ABCA12: variants seen among roughly 807,000 people sequenced by gnomAD.
ABCA12 encodes ATP binding cassette subfamily A member 12, also known as glucosylceramide transporter ABCA12.
ABCA12 carries 156 observed loss-of-function variants against 293.5 expected under a neutral mutation model. The ratio of observed to expected loss-of-function variants is 0.53; its 90% CI spans 0.47 to 0.61. ABCA12 has a LOEUF of 0.61. ABCA12 is among the 20% of genes least tolerant of loss of function. The pLI is 0.00. For synonymous variants in ABCA12, 1,063 were observed against 1,108.0 expected (o/e 0.96, Z 0.81); for missense variants, 2,797 against 3,090.2 (o/e 0.91, Z 2.25).
At chr2:214,954,638 G>A (rs1234609177) in intron 43 of ABCA12, among the ~76,000 whole-genome samples, 1 of 152,162 alleles carries the variant, frequency 6.6e-6, no homozygotes, top group Non-Finnish European at 1.5e-5. Context: ...CCCAGAGTAT[G>A]CTTGTCTAGT....
At chr2:214,966,788 T>C in intron 39 of ABCA12, 60 bp downstream of exon 39, 1 of 1,519,530 alleles carries the variant, frequency 6.6e-7, no homozygotes, top group Non-Finnish European at 9.1e-7. Flanking sequence ...ATAAAGTGCA[T>C]TTTTATACAA....
Position 214,975,709 on chromosome 2 carries a change from T to C in ABCA12, c.5381+76A>G, listed in dbSNP as rs1699498552. The C allele has an allele frequency of 1.9e-6, 3 of 1,577,746 alleles. No individual in the cohort carries two copies. In the African/African-American group the frequency reaches 4.1e-5, roughly 21 times the overall value. The stretch of plus-strand genomic sequence containing the variant: ...TAAGTACTTTATTCTCCAGATCTCA[T>C]GGCCTTCATTCAGGTACAACCACAC... On this transcript the variant is annotated intron_variant, in intron 34 of 52. Coordinates refer to ENST00000272895, the MANE Select transcript of ABCA12 (RefSeq NM_173076.3).
chr2:214,975,770 CAGAA>C lies in ABCA12; in HGVS notation c.5381+11_5381+14del, dbSNP rs568420119. ...ATTTTGGAAACATTCTTTTAGTTAA[CAGAA>C]AGAAACTTACGCATAGAAGGCTGTC... On this transcript the variant is annotated intron_variant, in intron 34 of 52. Transcript: ENST00000272895. 5.0e-4 allele frequency: 807 copies of C among 1,613,804 alleles called. No individual in the cohort carries two copies. The highest frequency in any genetic ancestry group is 6.5e-4 in the Non-Finnish European group (771 of 1,179,892).
intron 3 of ABCA12, among the ~76,000 whole-genome samples, chr2:215,060,535 T>A: frequency 6.6e-6 from 1 of 152,074 alleles, no homozygotes; most frequent in Middle Eastern, 3.2e-3. Flanking sequence ...GTAACAAAAA[T>A]GTAATACTAA....
intron 49 of ABCA12, among the ~76,000 whole-genome samples, 164 bp downstream of exon 49, chr2:214,944,837 T>G (rs1439382544): frequency 6.6e-6 from 1 of 151,516 alleles, no homozygotes; most frequent in South Asian, 2.1e-4. Flanking sequence ...TGTCTATATA[T>G]ATACATATAT....
chr2:214,978,628 T>C (rs572817909), intron 32 of ABCA12, among the ~76,000 whole-genome samples, 162 bp from the exon 33 acceptor site: 3 of 152,360 alleles, frequency 2.0e-5, no homozygotes, highest in Non-Finnish European at 2.9e-5. Context: ...ACGTGCTGTC[T>C]AGCTGGGGCA....
chr2:215,014,180 CAA>C (rs10552931), intron 15 of ABCA12, among the ~76,000 whole-genome samples: 148,213 of 149,440 alleles, frequency 0.99, 73,499 homozygotes, highest in East Asian at 1. Context: ...GACTCTGACT[CAA>C]AAAAAAAAAA....
chr2:214,946,885 C>T (rs562713688), intron 48 of ABCA12, among the ~76,000 whole-genome samples: 189 of 152,160 alleles, frequency 1.2e-3, no homozygotes, highest in Admixed American at 3.7e-3. Flanking sequence ...CTTCCCCACC[C>T]TATACCCCCC....
rs1405700353 is a variant in ABCA12, at chr2:214,989,605, G to A, written c.3641C>T (p.Thr1214Ile). Reference protein sequence around the residue: ...LKVFMSLLSPTAFSYASQYIA... With the variant: ...LKVFMSLLSPIAFSYASQYIA... The stretch of plus-strand genomic sequence containing the variant: ...GTATTGGCTTGCATAGCTGAATGCT[G>A]TTGGGGACAGCAGGCTCTGTGAAGA... The change falls in exon 25 of 53, where the codon ACA becomes ATA. Residue 1214 changes from threonine to isoleucine, a missense_variant. Physicochemically the swap from Thr to Ile is moderately conservative, Grantham distance 89. Transcript: ENST00000272895. The A allele has an allele frequency of 6.2e-7, 1 of 1,613,890 alleles. No individual in the cohort carries two copies. The highest frequency in any genetic ancestry group is 1.3e-5 in the African/African-American group (1 of 74,924).
chr2:215,003,518 A>T (rs1700186293), intron 20 of ABCA12, among the ~76,000 whole-genome samples: 1 of 152,130 alleles, frequency 6.6e-6, no homozygotes, highest in Non-Finnish European at 1.5e-5. Flanking sequence ...AAAAATGTTA[A>T]ATGTAGCCAG....
At chr2:215,117,956 A>T (rs887298094) in intron 1 of ABCA12, among the ~76,000 whole-genome samples, 4 of 152,218 alleles carry the variant, frequency 2.6e-5, no homozygotes, top group Non-Finnish European at 1.5e-5. Flanking sequence ...AAATAGGGAA[A>T]GTACTCTCTA....
chr2:215,000,904 T>G lies in ABCA12; in HGVS notation c.2980A>C (p.Thr994Pro). ...ATCTTGGTTCTTAGGCTTCTTGTGG[T>G]CTGTGCGGTCTTGAGACTCATCCGG... ...TIRMSLKTAQ[T>P]TRSLRTKIWA... The change falls in exon 22 of 53, where the codon ACC becomes CCC. Residue 994 changes from threonine to proline, a missense_variant. Around this residue, in one of 3 missense-constraint regions of ABCA12, gnomAD observed 2,130 missense variants for 2,427.0 expected, o/e 0.88. Transcript: ENST00000272895. The G allele has an allele frequency of 4.3e-6, 7 of 1,614,148 alleles. No individual in the cohort carries two copies. The highest frequency in any genetic ancestry group is 5.9e-6 in the Non-Finnish European group (7 of 1,179,994).
chr2:215,040,935 A>T (rs1354779563), intron 7 of ABCA12, among the ~76,000 whole-genome samples: 1 of 152,206 alleles, frequency 6.6e-6, no homozygotes, highest in East Asian at 1.9e-4. Flanking sequence ...TTACATACAT[A>T]TATGTGTACC....
chr2:214,956,914 C>T (rs777182692), intron 41 of ABCA12, 136 bp from the exon 42 acceptor site: 2 of 655,168 alleles, frequency 3.1e-6, no homozygotes, highest in Non-Finnish European at 5.5e-6. Context: ...TATTTATGTT[C>T]CCATTGCTTC....
chr2:215,040,448 T>TA (rs892809375), intron 7 of ABCA12, among the ~76,000 whole-genome samples: 90 of 148,700 alleles, frequency 6.1e-4, no homozygotes, highest in African/African-American at 1.8e-3. Flanking sequence ...TATTATTAAA[T>TA]AAAAAAAAGA....
chr2:215,131,570 C>T lies in ABCA12; in HGVS notation c.69+6570G>A, dbSNP rs1004950972. ...ATGATCTTTTCTGTTTCTCTGGTAA[C>T]AGTTGTGATGTCATCTTTATCATTT... is the stretch of plus-strand genomic sequence containing the variant. On this transcript the variant is annotated intron_variant, in intron 1 of 52. Transcript: ENST00000272895. Among the ~76,000 whole-genome samples, 17 of 151,762 alleles carry T rather than the reference C, an allele frequency of 1.1e-4. No homozygotes were observed. In the South Asian group the frequency reaches 1.5e-3, roughly 13 times the overall value.
At chr2:215,030,590 C>T (rs1238116930) in intron 9 of ABCA12, among the ~76,000 whole-genome samples, 4 of 132,668 alleles carry the variant, frequency 3.0e-5, no homozygotes, top group African/African-American at 5.7e-5. Context: ...GGCGACAGAG[C>T]CAGACTCCAT....
In ABCA12 at chr2:214,989,639, G is replaced by A. The variant is rs773068539; in HGVS notation, c.3625-18C>T. 15 of 1,612,868 alleles carry A rather than the reference G, an allele frequency of 9.3e-6. No individual in the cohort carries two copies. The highest frequency in any genetic ancestry group is 2.7e-5 in the African/African-American group (2 of 74,900). On this transcript the variant is annotated intron_variant, in intron 24 of 52. Transcript: ENST00000272895. ...AGCAGGCTCTGTGAAGAAAGGAAAC[G>A]GCAATGATAGTTCTTGTAGATTTCA... is the stretch of plus-strand genomic sequence containing the variant.
rs1315553295 is a variant in ABCA12, at chr2:214,978,905, T to G, written c.4876A>C (p.Lys1626Gln). ...AGTGACAGGTAGGCCCCTGAGACTT[T>G]GGTGCTGAATGGAGGAAGTACATAA... is the stretch of plus-strand genomic sequence containing the variant. ...LVYVLPPFST[K>Q]VSGAYLSLLR... Residue 1626 changes from lysine to glutamine, a missense_variant, in exon 32 of 53, where the codon AAA becomes CAA. Transcript: ENST00000272895. The G allele has an allele frequency of 5.0e-6, 8 of 1,614,086 alleles. No homozygotes were observed. Among genetic ancestry groups the G allele is most frequent in the Non-Finnish European group, 6.8e-6 (8 of 1,179,984 alleles).
Sources: gnomAD v4.1 joint callset for allele counts (sites outside exome capture counted in the v4.1 genomes callset) on GRCh38, gnomAD v4.1.1 for gene constraint, gnomAD v4.1.1 regional missense constraint, MANE v1.5 for transcripts, NCBI Gene and HGNC (gene_info 2026-07-23, HGNC 2026-07-21) for gene names.